Variants in EPHA5 observed in about 807,000 individuals in gnomAD.
EPHA5 encodes the protein ephrin type-A receptor 5.
EPHA5 carries 60 observed loss-of-function variants against 105.0 expected under a neutral mutation model. The observed-to-expected ratio is 0.57, with a 90% CI of 0.46 to 0.71. The LOEUF (loss-of-function observed/expected upper bound fraction) is 0.71. Ranked by LOEUF, EPHA5 falls within the 30% of genes least tolerant of loss-of-function variation. The pLI is 0.00. For synonymous variants in EPHA5, 513 were observed against 449.1 expected (o/e 1.14, Z -1.80); for missense variants, 1,218 against 1,274.7 (o/e 0.96, Z 0.68).
At chr4:65,620,119 T>TATATATATAC (rs66992343) in intron 2 of EPHA5, among the ~76,000 whole-genome samples, 4 of 147,406 alleles carry the variant, frequency 2.7e-5, no homozygotes, top group African/African-American at 9.9e-5. Flanking sequence ...TATATATATA[T>TATATATATAC]ATATATATAT....
At chr4:65,364,196 G>A (rs1474452550) in intron 11 of EPHA5, among the ~76,000 whole-genome samples, 5 of 151,498 alleles carry the variant, frequency 3.3e-5, no homozygotes, top group African/African-American at 1.2e-4. Context: ...ATTCCTCTCT[G>A]AGCATGCTTC....
At chr4:65,565,194 G>C (rs1027416303) in intron 3 of EPHA5, among the ~76,000 whole-genome samples, 1 of 151,520 alleles carries the variant, frequency 6.6e-6, no homozygotes, top group Non-Finnish European at 1.5e-5. Flanking sequence ...AACTTTTCCA[G>C]GAAATAAGAT....
intron 16 of EPHA5, among the ~76,000 whole-genome samples, chr4:65,326,494 A>T (rs1251386978): frequency 6.6e-6 from 1 of 151,440 alleles, no homozygotes; most frequent in Non-Finnish European, 1.5e-5. Flanking sequence ...GGCTATGGTC[A>T]CCAAATCTGA....
At chr4:65,393,494 C>A (rs981129817) in intron 8 of EPHA5, among the ~76,000 whole-genome samples, 1 of 152,172 alleles carries the variant, frequency 6.6e-6, no homozygotes, top group Non-Finnish European at 1.5e-5. Context: ...ACCTCATGGG[C>A]CTCTCCTTCT....
chr4:65,488,449 A>G (rs1731089963), intron 5 of EPHA5, among the ~76,000 whole-genome samples: 1 of 152,230 alleles, frequency 6.6e-6, no homozygotes, highest in South Asian at 2.1e-4. Context: ...GCTGAAGCCA[A>G]AGGTTTCAAG....
rs902620527 is a variant in EPHA5 at position 65,474,762 on chromosome 4, T to A, written c.1402+15615A>T. Among the ~76,000 whole-genome samples the A allele has an allele frequency of 2.0e-5, 3 of 152,134 alleles. No individual in the cohort carries two copies. The South Asian group carries it at 6.2e-4, about 31-fold the overall frequency. On this transcript the variant is annotated intron_variant, in intron 5 of 16. Transcript: ENST00000613740. Reference sequence around the variant, plus strand: ...AATGAACGGTTAATTATTAATAAAATCAAATGGAATAAATAAAAATGCTCC... The same window carrying A: ...AATGAACGGTTAATTATTAATAAAAACAAATGGAATAAATAAAAATGCTCC...
At chr4:65,585,016 C>A (rs903694392) in intron 3 of EPHA5, among the ~76,000 whole-genome samples, 1 of 151,640 alleles carries the variant, frequency 6.6e-6, no homozygotes, top group African/African-American at 2.4e-5. Flanking sequence ...GAAGATATGA[C>A]CTAAGTTTCC....
rs1430800927 is a variant in EPHA5, at chr4:65,495,531, C to A, written c.923G>T (p.Gly308Val). The change falls in exon 4 of 17, where the codon GGG (glycine) becomes GTG (valine). Residue 308 changes from glycine to valine, a missense_variant. By Grantham distance (109) the Gly-to-Val change is moderately radical. This residue lies in a region of EPHA5 where 971 missense variants were observed against 1,013.5 expected (regional missense o/e 0.96). Coordinates refer to ENST00000613740, the MANE Select transcript of EPHA5 (RefSeq NM_001281766.3). ...GATGTGAGGTGAGGCTTTGAAGAACCCAGGTCTGCACACTGTCAAAAGAAA... is the reference window on the plus strand; with the variant it reads ...GATGTGAGGTGAGGCTTTGAAGAACACAGGTCTGCACACTGTCAAAAGAAA... Reference protein sequence around the residue: ...KNGTCQVCRPGFFKASPHIQS... With the variant: ...KNGTCQVCRPVFFKASPHIQS... The A allele has an allele frequency of 3.1e-6, 5 of 1,613,278 alleles. No individual in the cohort carries two copies. The highest frequency in any genetic ancestry group is 3.4e-6 in the Non-Finnish European group (4 of 1,179,602).
intron 3 of EPHA5, among the ~76,000 whole-genome samples, chr4:65,568,925 A>G (rs934657910): frequency 1.3e-5 from 2 of 151,032 alleles, no homozygotes; most frequent in African/African-American, 4.8e-5. Context: ...ACTCAGTGTG[A>G]CCAATATTTT....
At chr4:65,524,107 T>A (rs1735016309) in intron 3 of EPHA5, among the ~76,000 whole-genome samples, 1 of 151,906 alleles carries the variant, frequency 6.6e-6, no homozygotes, top group African/African-American at 2.4e-5. Context: ...TTTCTTTTAC[T>A]ATATTCCTGA....
At chr4:65,634,215 A>G (rs1746905322) in intron 2 of EPHA5, among the ~76,000 whole-genome samples, 1 of 152,116 alleles carries the variant, frequency 6.6e-6, no homozygotes. Flanking sequence ...GTGTTTTGAG[A>G]ACTTCTAAAG....
At chr4:65,442,126 C>T (rs993565987) in intron 5 of EPHA5, among the ~76,000 whole-genome samples, 98 of 151,816 alleles carry the variant, frequency 6.5e-4, no homozygotes, top group African/African-American at 2.2e-3. Context: ...TTTGTGCCAC[C>T]CCCCCGCCAC....
chr4:65,375,621 G>A (rs1389041070), intron 8 of EPHA5, among the ~76,000 whole-genome samples: 1 of 151,890 alleles, frequency 6.6e-6, no homozygotes, highest in Non-Finnish European at 1.5e-5. Flanking sequence ...TTGAGATGTA[G>A]TTCAAGGTAA....
At chr4:65,589,197 A>G (rs1246420391) in intron 3 of EPHA5, among the ~76,000 whole-genome samples, 6 of 152,164 alleles carry the variant, frequency 3.9e-5, no homozygotes, top group Admixed American at 3.9e-4. Context: ...AGGAAATCCA[A>G]CTAAAACTCG....
intron 5 of EPHA5, among the ~76,000 whole-genome samples, chr4:65,447,565 C>A (rs1726670459): frequency 6.6e-6 from 1 of 151,406 alleles, no homozygotes; most frequent in Non-Finnish European, 1.5e-5. Context: ...CAAAAATTGA[C>A]AAAAACTGGA....
chr4:65,659,809 G>T (rs564529640), intron 1 of EPHA5, among the ~76,000 whole-genome samples: 1 of 151,984 alleles, frequency 6.6e-6, no homozygotes, highest in Non-Finnish European at 1.5e-5. Context: ...AAGTAAAAAA[G>T]CTAAGCCTTA....
At chr4:65,332,618 T>TGGGGGGAAGGGGGGGGGG (rs1720741638) in intron 15 of EPHA5, among the ~76,000 whole-genome samples, 1 of 88,726 alleles carries the variant, frequency 1.1e-5, no homozygotes, top group African/African-American at 4.1e-5. Context: ...AATGGGGTGG[T>TGGGGGGAAGGGGGGGGGG]GGGGGGTGGG....
intron 1 of EPHA5, among the ~76,000 whole-genome samples, chr4:65,662,576 A>AAAC (rs987754929): frequency 1.3e-5 from 2 of 152,104 alleles, no homozygotes; most frequent in African/African-American, 2.4e-5. Context: ...TAGAAGGAAA[A>AAAC]AACAACAACA....
chr4:65,624,990 A>C (rs1198091863), intron 2 of EPHA5, among the ~76,000 whole-genome samples: 6 of 152,180 alleles, frequency 3.9e-5, no homozygotes, highest in Admixed American at 2.0e-4. Context: ...ATAAAACAAC[A>C]ACCACTTTAG....
Sources: allele counts gnomAD v4.1 joint callset (sites outside exome capture counted in the v4.1 genomes callset), GRCh38; gene constraint gnomAD v4.1.1; regional missense constraint gnomAD v4.1.1; transcripts MANE v1.5; gene names NCBI Gene and HGNC (gene_info 2026-07-23, HGNC 2026-07-21).